The following CR1 variants were observed in gnomAD, a reference collection of about 807,000 sequenced individuals.
CR1 encodes the protein complement receptor type 1.
CR1 carries 116 observed loss-of-function variants against 187.3 expected under a neutral mutation model. That is an observed-to-expected ratio of 0.62 (90% confidence interval 0.53 to 0.72). The LOEUF is 0.72. CR1 is among the 30% of genes least tolerant of loss of function. The pLI, the probability that CR1 is intolerant of heterozygous loss-of-function variation, is 0.00. For missense variants in CR1, 1,731 were observed against 2,110.7 expected (o/e 0.82, Z 3.52); for synonymous variants, 576 against 747.1 (o/e 0.77, Z 3.73).
intron 36 of CR1, among the ~76,000 whole-genome samples, chr1:207,608,965 C>G (rs1661828887): frequency 6.6e-6 from 1 of 151,830 alleles, no homozygotes; most frequent in Non-Finnish European, 1.5e-5. Flanking sequence ...ATTTTAATAA[C>G]CTATAGGAAA....
At chr1:207,609,937 T>A (rs1292950859) in intron 37 of CR1, among the ~76,000 whole-genome samples, 1 of 152,224 alleles carries the variant, frequency 6.6e-6, no homozygotes, top group Non-Finnish European at 1.5e-5. Flanking sequence ...CTACTATTGG[T>A]ATCCCCATTT....
intron 35 of CR1, among the ~76,000 whole-genome samples, chr1:207,593,341 A>G (rs1239816258): frequency 6.6e-6 from 1 of 152,230 alleles, no homozygotes; most frequent in East Asian, 1.9e-4. Flanking sequence ...GAACCTGACA[A>G]AAACAAGCAA....
rs577106531 is a variant in CR1 at position 207,520,126 on chromosome 1, A to T, written c.488-3485A>T. 2.7e-3 allele frequency among the ~76,000 whole-genome samples: 405 copies of T among 152,360 alleles called. 3 individuals are homozygous for T. The highest frequency in any genetic ancestry group is 0.017 in the Middle Eastern group (5 of 294). On this transcript the variant is annotated intron_variant, in intron 4 of 46. Transcript: ENST00000367049. ...CTTAGAATTTTTATGTTGCCTCAGC[A>T]TCCATTTAGAATATGTTTAGCTTTC...
intron 1 of CR1, among the ~76,000 whole-genome samples, chr1:207,503,840 T>C (rs1659347697): frequency 6.6e-6 from 1 of 151,986 alleles, no homozygotes; most frequent in African/African-American, 2.4e-5. Context: ...AATAAGGGAG[T>C]TCATTACCAT....
intron 1 of CR1, among the ~76,000 whole-genome samples, chr1:207,501,241 G>T (rs1659256918): frequency 6.6e-6 from 1 of 152,224 alleles, no homozygotes; most frequent in Admixed American, 6.5e-5. Context: ...GGAAGTGGAT[G>T]TTTGGATGGA....
intron 40 of CR1, among the ~76,000 whole-genome samples, chr1:207,616,295 TA>T (rs1045839895): frequency 8.6e-5 from 13 of 152,018 alleles, no homozygotes; most frequent in Non-Finnish European, 1.5e-4. Flanking sequence ...TGGGTGTTTT[TA>T]AAAAAAATAA....
At chr1:207,607,193 T>C (rs1661777552) in intron 35 of CR1, 58 bp from the exon 36 acceptor site, 3 of 1,315,796 alleles carry the variant, frequency 2.3e-6, no homozygotes, top group Admixed American at 1.7e-5. Context: ...ATTTTCTAAA[T>C]GGTGAGTTAA....
chr1:207,592,587 C>T (rs1661304597), intron 35 of CR1, among the ~76,000 whole-genome samples: 1 of 152,182 alleles, frequency 6.6e-6, no homozygotes, highest in Non-Finnish European at 1.5e-5. Context: ...ATTGGAAGCT[C>T]TGGCCAGGGC....
chr1:207,639,291 G>C (rs573538849), intron 46 of CR1, 106 bp from the exon 47 acceptor site: 6 of 1,026,724 alleles, frequency 5.8e-6, no homozygotes, highest in Non-Finnish European at 8.7e-6. Flanking sequence ...TCCTGTTATT[G>C]TGGAATAAAG....
chr1:207,565,991 C>A, intron 24 of CR1, 68 bp downstream of exon 24: 2 of 1,575,766 alleles, frequency 1.3e-6, no homozygotes, highest in South Asian at 1.1e-5. Flanking sequence ...GTCCTATGGC[C>A]TCCCTCAATG....
rs540784577 is a variant in CR1 at position 207,639,316 on chromosome 1, A to G, written c.7458-81A>G. On this transcript the variant is annotated intron_variant, in intron 46 of 46. Coordinates refer to ENST00000367049, the MANE Select transcript of CR1 (RefSeq NM_000651.6). ...GTGGAATAAAGTTTAGAAAATATCC[A>G]AAGCTTATCAGCCTGTAAATTCTGG... 1.8e-5 allele frequency: 24 copies of G among 1,340,650 alleles called. No individual in the cohort carries two copies. In the African/African-American group the frequency reaches 1.9e-4, roughly 11 times the overall value. 83.0% of individuals were successfully genotyped at this position (1,340,650 alleles called of 1,614,324 possible). A position where few individuals can be genotyped will look rare whatever the true frequency, so the allele number is the denominator to read the frequency against.
At chr1:207,523,374 A>C (rs1660057293) in intron 4 of CR1, among the ~76,000 whole-genome samples, 2 of 152,262 alleles carry the variant, frequency 1.3e-5, no homozygotes, top group Admixed American at 1.3e-4. Context: ...AATGAAAAGA[A>C]TGTGGATTGA....
At chr1:207,499,682 C>T (rs2102329439) in intron 1 of CR1, among the ~76,000 whole-genome samples, 1 of 152,292 alleles carries the variant, frequency 6.6e-6, no homozygotes, top group Non-Finnish European at 1.5e-5. Context: ...ATAGGGTGGA[C>T]TCTGGCGCCC....
At chr1:207,613,642 T>C (rs1184955884) in intron 39 of CR1, among the ~76,000 whole-genome samples, 2 of 152,178 alleles carry the variant, frequency 1.3e-5, no homozygotes, top group Non-Finnish European at 2.9e-5. Flanking sequence ...GTGTATCCAT[T>C]ACTCTTGGTG....
intron 3 of CR1, among the ~76,000 whole-genome samples, chr1:207,509,607 A>G (rs551608516): frequency 6.6e-6 from 1 of 152,238 alleles, no homozygotes; most frequent in Non-Finnish European, 1.5e-5. Context: ...AATGTTCAGT[A>G]TTACAACACT....
intron 46 of CR1, among the ~76,000 whole-genome samples, chr1:207,635,092 G>T (rs56237243): frequency 0.012 from 1,789 of 152,234 alleles, 19 homozygotes; most frequent in Non-Finnish European, 0.019. Context: ...TCTAATGACC[G>T]TGTAATTTAT....
intron 46 of CR1, among the ~76,000 whole-genome samples, chr1:207,635,924 G>A (rs1045505564): frequency 9.9e-5 from 15 of 152,172 alleles, no homozygotes; most frequent in Non-Finnish European, 1.6e-4. Flanking sequence ...CACAGCACAT[G>A]TTTCAGGAAG....
chr1:207,611,601 C>T, intron 37 of CR1, 76 bp from the exon 38 acceptor site: 3 of 1,562,696 alleles, frequency 1.9e-6, no homozygotes, highest in Admixed American at 3.7e-5. Context: ...ATTTTTAAGC[C>T]CTCTGGTAAG....
intron 3 of CR1, among the ~76,000 whole-genome samples, chr1:207,508,502 A>G (rs1183107725): frequency 2.0e-5 from 3 of 152,272 alleles, no homozygotes; most frequent in Non-Finnish European, 4.4e-5. Flanking sequence ...ACATAAATAC[A>G]TGGGCATATG....
Sources: allele counts gnomAD v4.1 joint callset (sites outside exome capture counted in the v4.1 genomes callset), GRCh38; gene constraint gnomAD v4.1.1; transcripts MANE v1.5; gene names NCBI Gene and HGNC (gene_info 2026-07-23, HGNC 2026-07-21).